The following SCFD2 variants were observed in gnomAD, a reference collection of about 807,000 sequenced individuals.
The protein encoded by SCFD2 is sec1 family domain-containing protein 2.
In SCFD2, 54 loss-of-function variants were observed where a neutral mutation model predicts 58.9. The ratio of observed to expected loss-of-function variants is 0.92; its 90% CI spans 0.74 to 1.15. The LOEUF (loss-of-function observed/expected upper bound fraction) is 1.15. Ranked by LOEUF, SCFD2 falls within the 50% of genes most tolerant of loss-of-function variation. SCFD2 has a pLI of 0.00. For missense variants in SCFD2, 805 were observed against 836.6 expected, an observed-to-expected ratio of 0.96 and a Z score of 0.47; for synonymous variants, 321 against 335.9, an observed-to-expected ratio of 0.96 and a Z score of 0.49.
intron 2 of SCFD2, among the ~76,000 whole-genome samples, chr4:53,351,865 A>C (rs528915164): frequency 1.2e-4 from 18 of 152,352 alleles, no homozygotes; most frequent in African/African-American, 4.3e-4. Context: ...CATCTGCTAC[A>C]GTGAAGATTT....
chr4:53,349,078 G>A (rs1165635278), intron 2 of SCFD2, among the ~76,000 whole-genome samples: 4 of 152,098 alleles, frequency 2.6e-5, no homozygotes, highest in Non-Finnish European at 4.4e-5. Context: ...AAAGGACAGC[G>A]AATGAAGGCA....
At chr4:53,061,624 T>A (rs1723514419) in intron 5 of SCFD2, among the ~76,000 whole-genome samples, 1 of 152,136 alleles carries the variant, frequency 6.6e-6, no homozygotes, top group Admixed American at 6.5e-5. Flanking sequence ...TTCTGTTGCA[T>A]TTACATTGCG....
Position 52,873,821 on chromosome 4 carries a change from T to C in SCFD2, c.*148A>G. The C allele has an allele frequency of 1.9e-6, 1 of 530,690 alleles. No individual in the cohort carries two copies. The highest frequency in any genetic ancestry group is 3.4e-6 in the Non-Finnish European group (1 of 294,456). The allele number at this position is 530,690 out of a possible 1,614,324, so 32.9% of individuals were successfully genotyped here. ...CAGCAATCCAAGCAAAGTACCTCAC[T>C]GAGTAGGTATCAAGACCCTTCAGGC... On this transcript the variant is annotated 3_prime_UTR_variant, in exon 9 of 9. Coordinates refer to ENST00000401642, the MANE Select transcript of SCFD2 (RefSeq NM_152540.4).
intron 5 of SCFD2, among the ~76,000 whole-genome samples, chr4:52,993,536 A>G (rs1318607143): frequency 6.6e-6 from 1 of 152,184 alleles, no homozygotes; most frequent in Non-Finnish European, 1.5e-5. Flanking sequence ...TTTAGTCTCA[A>G]GTGTGTTTGC....
chr4:53,314,533 G>A (rs1399859416), intron 2 of SCFD2, among the ~76,000 whole-genome samples: 4 of 152,136 alleles, frequency 2.6e-5, no homozygotes, highest in Admixed American at 6.5e-5. Flanking sequence ...TTGTAGTAAC[G>A]TTTTAAAAAC....
At chr4:53,047,642 T>TA (rs1328814837) in intron 5 of SCFD2, among the ~76,000 whole-genome samples, 1 of 152,192 alleles carries the variant, frequency 6.6e-6, no homozygotes, top group African/African-American at 2.4e-5. Context: ...TACACCGTCT[T>TA]ACGATTTTAA....
intron 5 of SCFD2, among the ~76,000 whole-genome samples, chr4:52,966,991 G>C (rs555987251): frequency 2.0e-5 from 3 of 152,158 alleles, no homozygotes; most frequent in Admixed American, 6.5e-5. Flanking sequence ...CCATTAAACT[G>C]TAACCACACT....
At chr4:52,970,322 T>C (rs1450014332) in intron 5 of SCFD2, among the ~76,000 whole-genome samples, 1 of 152,238 alleles carries the variant, frequency 6.6e-6, no homozygotes, top group South Asian at 2.1e-4. Context: ...CCCACCCTAA[T>C]ACTGCACTTT....
intron 4 of SCFD2, among the ~76,000 whole-genome samples, chr4:53,229,157 G>A (rs566364078): frequency 1.3e-5 from 2 of 152,166 alleles, no homozygotes; most frequent in African/African-American, 2.4e-5. Flanking sequence ...CATGCTCATG[G>A]CTAGGAAGAA....
At chr4:52,941,603 C>T (rs899686020) in intron 5 of SCFD2, among the ~76,000 whole-genome samples, 2 of 152,234 alleles carry the variant, frequency 1.3e-5, no homozygotes, top group Non-Finnish European at 2.9e-5. Flanking sequence ...CAGACACTCA[C>T]TCCGGTTCAC....
At chr4:53,085,353 A>T (rs1724273953) in intron 5 of SCFD2, among the ~76,000 whole-genome samples, 1 of 152,164 alleles carries the variant, frequency 6.6e-6, no homozygotes, top group African/African-American at 2.4e-5. Flanking sequence ...CTACAATGAA[A>T]ACTATAAAAC....
intron 5 of SCFD2, among the ~76,000 whole-genome samples, chr4:53,101,206 A>G (rs1724824276): frequency 6.6e-6 from 1 of 152,176 alleles, no homozygotes; most frequent in African/African-American, 2.4e-5. Context: ...GATCTGCAAC[A>G]GGGACCCCTA....
At chr4:53,297,410 T>G (rs1732078359) in intron 3 of SCFD2, among the ~76,000 whole-genome samples, 1 of 152,212 alleles carries the variant, frequency 6.6e-6, no homozygotes. Flanking sequence ...TCGTCTCTTT[T>G]GATCATTCTT....
chr4:52,881,049 T>C (rs7679169), intron 8 of SCFD2, among the ~76,000 whole-genome samples: 135,417 of 152,320 alleles, frequency 0.89, 60,445 homozygotes, highest in East Asian at 1. Context: ...TTTCTGTAGA[T>C]AGGAAAAAGG....
Position 53,313,617 on chromosome 4 carries a change from G to A in SCFD2, c.1135+19C>T. 1 of 1,613,666 alleles carries A rather than the reference G, an allele frequency of 6.2e-7. No individual in the cohort carries two copies. Among genetic ancestry groups the A allele is most frequent in the South Asian group, 1.1e-5 (1 of 91,054 alleles). ...ATAAGCTTCCTCAGAGGCTGCCTGT[G>A]TCCTAGGTTTAGGCTTACCCATACT... On this transcript the variant is annotated intron_variant, in intron 3 of 8. Coordinates refer to ENST00000401642, the MANE Select transcript of SCFD2 (RefSeq NM_152540.4).
intron 3 of SCFD2, among the ~76,000 whole-genome samples, chr4:53,312,365 T>G (rs1482379425): frequency 6.6e-6 from 1 of 152,192 alleles, no homozygotes; most frequent in Non-Finnish European, 1.5e-5. Context: ...CTACCACTTA[T>G]CAGATATATG....
In SCFD2 at chr4:53,082,740, G is replaced by C. The variant is rs1311186859; in HGVS notation, c.1561+62593C>G. ...AAATTTGCAGGTCTCAGAGAGCAGA[G>C]AGCAAATTTGAGATATCCATCTTCT... On this transcript the variant is annotated intron_variant, in intron 5 of 8. Coordinates refer to ENST00000401642, the MANE Select transcript of SCFD2 (RefSeq NM_152540.4). Among the ~76,000 whole-genome samples, 4 of 152,028 alleles carry C rather than the reference G, an allele frequency of 2.6e-5. No individual in the cohort carries two copies. The East Asian group carries it at 7.7e-4, about 29-fold the overall frequency.
intron 5 of SCFD2, among the ~76,000 whole-genome samples, chr4:53,139,130 C>A (rs1265808213): frequency 1.3e-5 from 2 of 152,184 alleles, no homozygotes; most frequent in South Asian, 2.1e-4. Context: ...CTCGGCCTCC[C>A]GAGGTGCCGG....
chr4:53,013,591 A>T (rs1722146126), intron 5 of SCFD2, among the ~76,000 whole-genome samples: 2 of 152,160 alleles, frequency 1.3e-5, no homozygotes, highest in Admixed American at 1.3e-4. Flanking sequence ...TTCTGTCAAA[A>T]CTACTCATGA....
Sources: gnomAD v4.1 joint callset for allele counts (sites outside exome capture counted in the v4.1 genomes callset) on GRCh38, gnomAD v4.1.1 for gene constraint, MANE v1.5 for transcripts, NCBI Gene and HGNC (gene_info 2026-07-23, HGNC 2026-07-21) for gene names.